The following ANO10 variants were observed in gnomAD, a reference collection of about 807,000 sequenced individuals.
ANO10 encodes the protein anoctamin-10.
ANO10 carries 77 observed loss-of-function variants against 74.7 expected under a neutral mutation model. That is an observed-to-expected ratio of 1.03 (90% CI 0.86 to 1.25). The LOEUF (loss-of-function observed/expected upper bound fraction) is 1.25, where lower values mean the gene tolerates loss of function less well. ANO10 is among the 50% of genes most tolerant of loss of function. The pLI, the probability that ANO10 is intolerant of heterozygous loss-of-function variation, is 0.00. For missense variants in ANO10, 721 were observed against 778.1 expected (o/e 0.93, Z 0.87); for synonymous variants, 279 against 284.9 (o/e 0.98, Z 0.21).
intron 11 of ANO10, among the ~76,000 whole-genome samples, chr3:43,516,776 A>G (rs1419675165): frequency 6.6e-6 from 1 of 152,190 alleles, no homozygotes. Flanking sequence ...GAGATCTCCA[A>G]AGGAAAAGAG....
chr3:43,518,285 T>A (rs1005441390), intron 11 of ANO10, among the ~76,000 whole-genome samples: 2 of 152,202 alleles, frequency 1.3e-5, no homozygotes, highest in Non-Finnish European at 2.9e-5. Context: ...ATTGTGGAGA[T>A]TTCATGGACA....
intron 12 of ANO10, chr3:43,372,780 A>C: frequency 6.8e-7 from 1 of 1,461,278 alleles, no homozygotes; most frequent in South Asian, 1.2e-5. Flanking sequence ...AGGACCTATG[A>C]CAGTGCCTGG....
chr3:43,375,741 A>G (rs2091778636), intron 12 of ANO10, among the ~76,000 whole-genome samples: 1 of 152,176 alleles, frequency 6.6e-6, no homozygotes, highest in African/African-American at 2.4e-5. Flanking sequence ...AGAGTCAGAG[A>G]GAGCAACAGG....
At chr3:43,576,351 C>T (rs575216223) in intron 6 of ANO10, among the ~76,000 whole-genome samples, 1 of 152,350 alleles carries the variant, frequency 6.6e-6, no homozygotes, top group East Asian at 1.9e-4. Flanking sequence ...CCACTATTTG[C>T]TGTCTGAACC....
intron 11 of ANO10, among the ~76,000 whole-genome samples, chr3:43,473,665 A>G (rs1026764354): frequency 6.6e-6 from 1 of 152,044 alleles, no homozygotes; most frequent in African/African-American, 2.4e-5. Flanking sequence ...AGGTTTCTCA[A>G]CCTCAGCGTT....
At chr3:43,491,475 T>C (rs529903955) in intron 11 of ANO10, among the ~76,000 whole-genome samples, 16 of 151,950 alleles carry the variant, frequency 1.1e-4, no homozygotes, top group African/African-American at 2.4e-4. Flanking sequence ...GATTGCGCCA[T>C]TGCACTCCAG....
chr3:43,494,102 A>ATGTT (rs2076828343), intron 11 of ANO10, among the ~76,000 whole-genome samples: 1 of 152,226 alleles, frequency 6.6e-6, no homozygotes, highest in Non-Finnish European at 1.5e-5. Flanking sequence ...TAAGACAGAG[A>ATGTT]TGTTTTCAAT....
intron 11 of ANO10, among the ~76,000 whole-genome samples, chr3:43,518,651 G>A (rs1311559791): frequency 6.6e-6 from 1 of 152,056 alleles, no homozygotes; most frequent in African/African-American, 2.4e-5. Flanking sequence ...GCTTTCCTAG[G>A]GGGAGGTCTC....
chr3:43,652,036 A>T (rs569232658), intron 1 of ANO10, among the ~76,000 whole-genome samples: 1 of 152,278 alleles, frequency 6.6e-6, no homozygotes, highest in African/African-American at 2.4e-5. Flanking sequence ...TTCTTGGGTC[A>T]GAGGATTTAA....
At chr3:43,469,492 G>T (rs2075767232) in intron 11 of ANO10, among the ~76,000 whole-genome samples, 1 of 152,102 alleles carries the variant, frequency 6.6e-6, no homozygotes, top group African/African-American at 2.4e-5. Context: ...TAATATTCCA[G>T]GTCCTGTTCA....
At chr3:43,443,528 G>A (rs947940075) in intron 11 of ANO10, among the ~76,000 whole-genome samples, 1 of 151,976 alleles carries the variant, frequency 6.6e-6, no homozygotes, top group African/African-American at 2.4e-5. Flanking sequence ...AGTATTTGGG[G>A]GTATTGGTTT....
intron 12 of ANO10, among the ~76,000 whole-genome samples, chr3:43,381,901 C>G (rs1178517557): frequency 2.0e-5 from 3 of 152,256 alleles, no homozygotes; most frequent in South Asian, 2.1e-4. Flanking sequence ...AACTGGAAAT[C>G]AACTCCAAAA....
chr3:43,476,171 T>C (rs962700681), intron 11 of ANO10, among the ~76,000 whole-genome samples: 3 of 152,188 alleles, frequency 2.0e-5, no homozygotes, highest in Admixed American at 6.5e-5. Context: ...TTTTTTCTGT[T>C]AGCTTATCTA....
At chr3:43,673,004 G>A (rs1031876422) in intron 1 of ANO10, among the ~76,000 whole-genome samples, 1 of 152,162 alleles carries the variant, frequency 6.6e-6, no homozygotes, top group South Asian at 2.1e-4. Flanking sequence ...TAAACAGTAC[G>A]ATTACTAGTT....
intron 4 of ANO10, among the ~76,000 whole-genome samples, chr3:43,588,763 G>A (rs1295558481): frequency 1.3e-5 from 2 of 152,090 alleles, no homozygotes; most frequent in Admixed American, 1.3e-4. Flanking sequence ...TAAGCAAGAT[G>A]AGGAATAATA....
At chr3:43,440,192 G>A (rs762465283) in intron 11 of ANO10, among the ~76,000 whole-genome samples, 10 of 152,058 alleles carry the variant, frequency 6.6e-5, no homozygotes, top group Admixed American at 1.3e-4. Flanking sequence ...TTGTAAGTCT[G>A]CTCTATCAGT....
At chr3:43,684,113 CA>C (rs909752833) in intron 1 of ANO10, among the ~76,000 whole-genome samples, 3 of 151,512 alleles carry the variant, frequency 2.0e-5, no homozygotes, top group South Asian at 2.1e-4. Flanking sequence ...TTCCACACAG[CA>C]AAAAAAACTA....
intron 12 of ANO10, among the ~76,000 whole-genome samples, chr3:43,430,337 GT>G (rs1415529323): frequency 6.8e-6 from 1 of 147,998 alleles, no homozygotes; most frequent in Non-Finnish European, 1.5e-5. Flanking sequence ...TGATTTTTGG[GT>G]TTTGTGTCTT....
At chr3:43,457,526 A>G (rs7651078) in intron 11 of ANO10, among the ~76,000 whole-genome samples, 22,388 of 152,128 alleles carry the variant, frequency 0.15, 2,098 homozygotes, top group African/African-American at 0.26. Context: ...CTCACTCACT[A>G]TCATGAGAAC....
Sources: gnomAD v4.1 joint callset for allele counts (sites outside exome capture counted in the v4.1 genomes callset) on GRCh38, gnomAD v4.1.1 for gene constraint, MANE v1.5 for transcripts, NCBI Gene and HGNC (gene_info 2026-07-23, HGNC 2026-07-21) for gene names.